The following STK32B variants were observed in gnomAD, a reference collection of about 807,000 sequenced individuals.
STK32B encodes the protein serine/threonine-protein kinase 32B.
Under a neutral mutation model 52.6 loss-of-function variants are expected in STK32B, and 43 were observed. The ratio of observed to expected loss-of-function variants is 0.82; its 90% CI spans 0.64 to 1.05. The LOEUF (loss-of-function observed/expected upper bound fraction) is 1.05, where lower values mean the gene tolerates loss of function less well. Ranked by LOEUF, STK32B falls within the 50% of genes least tolerant of loss-of-function variation. The pLI is 0.00. For synonymous variants in STK32B, 238 were observed against 204.3 expected (o/e 1.17, Z -1.41); for missense variants, 621 against 534.6 (o/e 1.16, Z -1.59).
chr4:5,256,619 C>G (rs1163135939), intron 3 of STK32B, among the ~76,000 whole-genome samples: 1 of 152,238 alleles, frequency 6.6e-6, no homozygotes, highest in African/African-American at 2.4e-5. Flanking sequence ...TGCTCCTCCA[C>G]TGCTTTTCTA....
Position 5,168,544 on chromosome 4 carries a change from A to G in STK32B, c.260+94A>G, listed in dbSNP as rs180763414. ...CTAGAGGGACTCTTCCGCATTGTAA[A>G]GGGAAAGGGATGCAATTTTCTGGGT... On this transcript the variant is annotated intron_variant, in intron 3 of 11. Coordinates refer to ENST00000282908, the MANE Select transcript of STK32B (RefSeq NM_018401.3). 5.8e-5 allele frequency: 81 copies of G among 1,393,436 alleles called. No homozygotes were observed. In the African/African-American group the frequency reaches 8.5e-4, roughly 15 times the overall value. 86.3% of individuals were successfully genotyped at this position (1,393,436 alleles called of 1,614,324 possible). A position where few individuals can be genotyped will look rare whatever the true frequency, so the allele number is the denominator to read the frequency against.
intron 4 of STK32B, among the ~76,000 whole-genome samples, chr4:5,350,290 A>C (rs1733743422): frequency 6.6e-6 from 1 of 152,190 alleles, no homozygotes; most frequent in South Asian, 2.1e-4. Context: ...TTAAAACTGC[A>C]AGTCAAGGAT....
chr4:5,158,992 C>T (rs1718092999), intron 2 of STK32B, among the ~76,000 whole-genome samples: 2 of 152,320 alleles, frequency 1.3e-5, no homozygotes, highest in South Asian at 2.1e-4. Flanking sequence ...CCATCTGTCA[C>T]CTACCCCATC....
chr4:5,478,118 G>T (rs1718382604), intron 11 of STK32B, among the ~76,000 whole-genome samples: 1 of 152,200 alleles, frequency 6.6e-6, no homozygotes, highest in Non-Finnish European at 1.5e-5. Context: ...GAAAAGCCAT[G>T]TGACCTACTA....
intron 3 of STK32B, among the ~76,000 whole-genome samples, chr4:5,305,206 A>T (rs1729845677): frequency 6.6e-6 from 1 of 152,016 alleles, no homozygotes; most frequent in African/African-American, 2.4e-5. Context: ...GCTTCATAGA[A>T]TGTTTTGGGG....
chr4:5,499,833 C>T lies in STK32B; in HGVS notation c.*750C>T, dbSNP rs536009775. The T allele has an allele frequency of 6.6e-6, 1 of 152,370 alleles. No individual in the cohort carries two copies. Among genetic ancestry groups the T allele is most frequent in the South Asian group, 2.1e-4 (1 of 4,828 alleles). The allele number at this position is 152,370 out of a possible 1,614,324, so 9.4% of individuals were successfully genotyped here. On this transcript the variant is annotated 3_prime_UTR_variant, in exon 12 of 12. Coordinates refer to ENST00000282908, the MANE Select transcript of STK32B (RefSeq NM_018401.3). ...GTGTCCATTCAGATGAGAGTTGGGT[C>T]GCTGAGCATTGGTTACTCCTGCAGA...
the STK32B span, among the ~76,000 whole-genome samples, chr4:5,019,975 T>C: frequency 1.3e-5 from 2 of 152,128 alleles, no homozygotes; most frequent in Non-Finnish European, 2.9e-5. Context: ...ACCGGTGTCC[T>C]CGTCCATCAA....
At chr4:5,190,504 G>A (rs1721098908) in intron 3 of STK32B, among the ~76,000 whole-genome samples, 1 of 152,128 alleles carries the variant, frequency 6.6e-6, no homozygotes, top group Non-Finnish European at 1.5e-5. Flanking sequence ...TTGGTGTCAT[G>A]GGTTCATTTA....
At chr4:5,342,016 C>A (rs986397562) in intron 4 of STK32B, among the ~76,000 whole-genome samples, 8 of 152,196 alleles carry the variant, frequency 5.3e-5, no homozygotes, top group African/African-American at 1.9e-4. Flanking sequence ...CCATGACAGG[C>A]CCCAGTGTGT....
rs577981355 is a variant in STK32B at position 5,395,661 on chromosome 4, C to T, written c.435-2546C>T. Reference sequence around the variant, plus strand: ...GTCCTTCATGACCGCAAAGGGGACACCCCCGTAAATGCTTGAGATTCCACT... The same window carrying T: ...GTCCTTCATGACCGCAAAGGGGACATCCCCGTAAATGCTTGAGATTCCACT... On this transcript the variant is annotated intron_variant, in intron 4 of 11. Transcript: ENST00000282908. The surrounding 1 kb of genome is among the most constrained non-coding windows in gnomAD (Gnocchi z 4.4). Among the ~76,000 whole-genome samples the T allele has an allele frequency of 5.3e-5, 8 of 152,312 alleles. No individual in the cohort carries two copies. The highest frequency in any genetic ancestry group is 1.9e-4 in the African/African-American group (8 of 41,576).
At chr4:5,405,026 C>A (rs1028059830) in intron 5 of STK32B, among the ~76,000 whole-genome samples, 1 of 151,744 alleles carries the variant, frequency 6.6e-6, no homozygotes, top group African/African-American at 2.4e-5. Flanking sequence ...ACCACCACAC[C>A]TGGCTAAGTT....
rs963695418 is a variant in STK32B, at chr4:5,399,736, T to C, written c.472+1492T>C. Among the ~76,000 whole-genome samples, 1 of 152,118 alleles carries C rather than the reference T, an allele frequency of 6.6e-6. No individual in the cohort carries two copies. Among genetic ancestry groups the C allele is most frequent in the Non-Finnish European group, 1.5e-5 (1 of 68,016 alleles). ...AGCCTTCCCAGCAGCGATGCAGAAGTAATTGACCCACCTTGCAGGGTGGTG... is the reference window on the plus strand; with the variant it reads ...AGCCTTCCCAGCAGCGATGCAGAAGCAATTGACCCACCTTGCAGGGTGGTG... On this transcript the variant is annotated intron_variant, in intron 5 of 11. Coordinates refer to ENST00000282908, the MANE Select transcript of STK32B (RefSeq NM_018401.3). This position sits in a 1 kb window ranked among gnomAD's most constrained non-coding sequence, Gnocchi z 5.4.
At chr4:5,306,740 CATTT>C (rs1729950890) in intron 3 of STK32B, among the ~76,000 whole-genome samples, 3 of 152,066 alleles carry the variant, frequency 2.0e-5, no homozygotes, top group Admixed American at 2.0e-4. Context: ...GGTCCTGTGA[CATTT>C]ATGCTTTAAG....
chr4:5,058,632 G>C lies in STK32B; in HGVS notation c.52+6717G>C, dbSNP rs1404742046. Among the ~76,000 whole-genome samples, 2 of 152,064 alleles carry C rather than the reference G, an allele frequency of 1.3e-5. No individual in the cohort carries two copies. The highest frequency in any genetic ancestry group is 2.9e-5 in the Non-Finnish European group (2 of 68,026). On this transcript the variant is annotated intron_variant, in intron 1 of 11. Coordinates refer to ENST00000282908, the MANE Select transcript of STK32B (RefSeq NM_018401.3). This position sits in a 1 kb window ranked among gnomAD's most constrained non-coding sequence, Gnocchi z 4.8. ...AGCTGGAGTGCAGTGGTGTGATTGT[G>C]ACTCACTGCAGCCTCAACCTCCCCG...
chr4:5,469,641 G>A lies in STK32B; in HGVS notation c.1106+1571G>A, dbSNP rs1159368785. Among the ~76,000 whole-genome samples the A allele has an allele frequency of 6.6e-6, 1 of 152,190 alleles. No individual in the cohort carries two copies. The highest frequency in any genetic ancestry group is 1.5e-5 in the Non-Finnish European group (1 of 68,026). On this transcript the variant is annotated intron_variant, in intron 11 of 11. Transcript: ENST00000282908. This position sits in a 1 kb window ranked among gnomAD's most constrained non-coding sequence, Gnocchi z 4.7. ...GGCAGCAGCCTTTCACTGACCCTGA[G>A]TGGCTATAGCTCTGAGGGCCAATGG...
In STK32B at chr4:5,051,741, T is replaced by A. The variant is rs1255839110; in HGVS notation, c.-123T>A. 3.6e-6 allele frequency: 5 copies of A among 1,378,128 alleles called. No individual in the cohort carries two copies. The highest frequency in any genetic ancestry group is 3.0e-6 in the Non-Finnish European group (3 of 1,014,258). 85.4% of individuals were successfully genotyped at this position (1,378,128 alleles called of 1,614,324 possible). A position where few individuals can be genotyped will look rare whatever the true frequency, so the allele number is the denominator to read the frequency against. ...TGCACGGTGCTCGGCCCCCTCGGGC[T>A]CCGCGCGCGGCTACAACCCGGACTG... On this transcript the variant is annotated 5_prime_UTR_variant, in exon 1 of 12. Coordinates refer to ENST00000282908, the MANE Select transcript of STK32B (RefSeq NM_018401.3).
chr4:5,388,748 C>G (rs1264870720), intron 4 of STK32B, among the ~76,000 whole-genome samples: 1 of 152,192 alleles, frequency 6.6e-6, no homozygotes, highest in Non-Finnish European at 1.5e-5. Context: ...GAAGATGACT[C>G]CCTCATTGGG....
intron 5 of STK32B, among the ~76,000 whole-genome samples, chr4:5,405,066 C>T (rs528710441): frequency 1.3e-5 from 2 of 151,938 alleles, no homozygotes; most frequent in African/African-American, 4.8e-5. Context: ...CAGGGTTTCA[C>T]CGTGTTAGCC....
intron 1 of STK32B, chr4:5,127,112 A>T (rs1053052800): frequency 1.9e-6 from 1 of 513,218 alleles, no homozygotes; most frequent in African/African-American, 1.9e-5. Context: ...GAACTTAACC[A>T]GACGAGAATA....
Sources: allele counts gnomAD v4.1 joint callset (sites outside exome capture counted in the v4.1 genomes callset), GRCh38; gene constraint gnomAD v4.1.1; non-coding constraint Gnocchi (gnomAD v3.1); transcripts MANE v1.5; gene names NCBI Gene and HGNC (gene_info 2026-07-23, HGNC 2026-07-21).